Variants in SRRM4 observed in about 807,000 individuals in gnomAD.
The protein encoded by SRRM4 is serine/arginine repetitive matrix protein 4.
SRRM4 carries 33 observed loss-of-function variants against 68.9 expected under a neutral mutation model. That is an observed-to-expected ratio of 0.48 (90% CI 0.36 to 0.64). The LOEUF (loss-of-function observed/expected upper bound fraction) is 0.64. Ranked by LOEUF, SRRM4 falls within the 30% of genes least tolerant of loss-of-function variation. The probability of loss-of-function intolerance (pLI) is 0.00; values close to 1 mark genes in which losing one functional copy is unlikely to be tolerated. For missense variants in SRRM4, 817 were observed against 827.1 expected (o/e 0.99, Z 0.15); for synonymous variants, 318 against 318.8 (o/e 1.00, Z 0.03).
At position 119,154,353 on chromosome 12, in the gene SRRM4, C is replaced by A; in HGVS notation, c.1502C>A (p.Pro501Gln). 1 of 1,613,252 alleles carries A rather than the reference C, an allele frequency of 6.2e-7. No homozygotes were observed. ...SPMRKRRRDSPSHLEARRITS... is the reference protein window; with the variant it reads ...SPMRKRRRDSQSHLEARRITS... ...ATGAGAAAGCGCCGGAGAGACTCCCCGAGCCACCTGGAGGCCCGGAGGATA... is the reference window on the plus strand; with the variant it reads ...ATGAGAAAGCGCCGGAGAGACTCCCAGAGCCACCTGGAGGCCCGGAGGATA... The change falls in exon 12 of 13, where the codon CCG (proline) becomes CAG (glutamine). Residue 501 changes from proline to glutamine, a missense_variant. Physicochemically the swap from Pro to Gln is moderately conservative, Grantham distance 76. Coordinates refer to ENST00000267260, the MANE Select transcript of SRRM4 (RefSeq NM_194286.4). The surrounding 1 kb of genome is among the most constrained non-coding windows in gnomAD (Gnocchi z 4.7).
intron 1 of SRRM4, among the ~76,000 whole-genome samples, chr12:119,073,326 T>C (rs758904150): frequency 1.3e-5 from 1 of 78,020 alleles, no homozygotes; most frequent in African/African-American, 4.7e-5. Context: ...TTTTTTTTTG[T>C]TTGTTTGTTT....
At chr12:119,017,388 TC>T (rs780799305) in intron 1 of SRRM4, among the ~76,000 whole-genome samples, 15 of 152,246 alleles carry the variant, frequency 9.9e-5, no homozygotes, top group Non-Finnish European at 1.8e-4. Flanking sequence ...ACTAGGCATT[TC>T]CTTCTTTCTG....
chr12:118,997,348 C>T (rs1323781124), intron 1 of SRRM4, among the ~76,000 whole-genome samples: 1 of 152,158 alleles, frequency 6.6e-6, no homozygotes, highest in Non-Finnish European at 1.5e-5. Context: ...TTGTATTTAC[C>T]CAGGGCTGCG....
chr12:119,135,403 T>C (rs960734325), intron 8 of SRRM4, among the ~76,000 whole-genome samples: 4 of 152,198 alleles, frequency 2.6e-5, no homozygotes, highest in Admixed American at 2.0e-4. Context: ...AACAAAAACC[T>C]GTACAAATGT....
intron 1 of SRRM4, among the ~76,000 whole-genome samples, chr12:118,990,874 C>T (rs1050125433): frequency 2.2e-4 from 33 of 152,178 alleles, no homozygotes; most frequent in African/African-American, 7.5e-4. Context: ...GGCTGGAGTG[C>T]AGTGGTGCGA....
intron 8 of SRRM4, among the ~76,000 whole-genome samples, chr12:119,141,945 G>C (rs200499954): frequency 2.6e-5 from 4 of 152,226 alleles, no homozygotes; most frequent in African/African-American, 9.6e-5. Flanking sequence ...TCTAGAAGAG[G>C]TGATAGGACA....
intron 8 of SRRM4, among the ~76,000 whole-genome samples, chr12:119,132,561 G>C (rs1042278134): frequency 6.6e-6 from 1 of 152,214 alleles, no homozygotes; most frequent in African/African-American, 2.4e-5. Context: ...AGATATGTCT[G>C]TCAAGATGTT....
intron 7 of SRRM4, among the ~76,000 whole-genome samples, chr12:119,129,914 T>TGGAC (rs1327748905): frequency 2.0e-5 from 3 of 150,230 alleles, no homozygotes; most frequent in African/African-American, 7.3e-5. Context: ...GATGGATGGA[T>TGGAC]GGATGGTTAG....
At chr12:119,084,717 G>A (rs928643191) in intron 1 of SRRM4, among the ~76,000 whole-genome samples, 1 of 151,980 alleles carries the variant, frequency 6.6e-6, no homozygotes, top group East Asian at 1.9e-4. Context: ...CTCATAGTCC[G>A]GTGGGGCAAA....
chr12:119,122,051 T>G lies in SRRM4; in HGVS notation c.465-19T>G, dbSNP rs1385471879. On this transcript the variant is annotated intron_variant, in intron 5 of 12. Transcript: ENST00000267260. ...CTAGAATTTTGCATCTTTCAATTAA[T>G]TGACCATTTCTTGTTTAGCTCCTCT... is the stretch of plus-strand genomic sequence containing the variant. 1.3e-6 allele frequency: 2 copies of G among 1,571,454 alleles called. No individual in the cohort carries two copies. The highest frequency in any genetic ancestry group is 1.8e-6 in the Non-Finnish European group (2 of 1,141,528).
At chr12:119,066,198 A>G (rs1406841896) in intron 1 of SRRM4, among the ~76,000 whole-genome samples, 2 of 152,212 alleles carry the variant, frequency 1.3e-5, no homozygotes, top group African/African-American at 2.4e-5. Context: ...CTGGGTAATA[A>G]TAACAATAGC....
intron 9 of SRRM4, among the ~76,000 whole-genome samples, chr12:119,146,585 T>C (rs1350007641): frequency 1.4e-5 from 2 of 143,132 alleles, no homozygotes; most frequent in Admixed American, 1.4e-4. Flanking sequence ...AAACTCCATC[T>C]CAAAAGAAAA....
chr12:119,086,500 G>C (rs1414517072), intron 1 of SRRM4, among the ~76,000 whole-genome samples: 1 of 152,192 alleles, frequency 6.6e-6, no homozygotes, highest in African/African-American at 2.4e-5. Flanking sequence ...TTTTCTGAAT[G>C]TTATGGCCTC....
intron 8 of SRRM4, among the ~76,000 whole-genome samples, chr12:119,142,891 G>A (rs192511350): frequency 6.6e-6 from 1 of 152,294 alleles, no homozygotes; most frequent in Admixed American, 6.5e-5. Context: ...GAAAGATGTG[G>A]CATCTAAAAT....
intron 1 of SRRM4, among the ~76,000 whole-genome samples, chr12:118,982,647 G>A (rs537940903): frequency 1.4e-5 from 2 of 145,886 alleles, no homozygotes; most frequent in Non-Finnish European, 3.0e-5. Flanking sequence ...TCGTGAAGAT[G>A]ATCTTGGAAG....
chr12:119,087,207 T>G (rs1953984415), intron 1 of SRRM4, among the ~76,000 whole-genome samples: 1 of 152,198 alleles, frequency 6.6e-6, no homozygotes, highest in African/African-American at 2.4e-5. Context: ...GCCATGAGAA[T>G]GACAAGATCA....
intron 1 of SRRM4, among the ~76,000 whole-genome samples, chr12:119,018,741 C>T (rs1472909661): frequency 1.3e-5 from 2 of 152,038 alleles, no homozygotes; most frequent in African/African-American, 4.8e-5. Context: ...GAATCCAATG[C>T]CTGGTACCCT....
At chr12:118,996,205 TTCCAG>T (rs1156942283) in intron 1 of SRRM4, among the ~76,000 whole-genome samples, 1 of 152,202 alleles carries the variant, frequency 6.6e-6, no homozygotes, top group Non-Finnish European at 1.5e-5. Flanking sequence ...AAACCTGATC[TTCCAG>T]TCCTAGTTCT....
chr12:119,050,606 T>A (rs1399141798), intron 1 of SRRM4, among the ~76,000 whole-genome samples: 1 of 152,234 alleles, frequency 6.6e-6, no homozygotes, highest in African/African-American at 2.4e-5. Flanking sequence ...AAAGCACACA[T>A]TGCCTTGTAT....
Sources: allele counts gnomAD v4.1 joint callset (sites outside exome capture counted in the v4.1 genomes callset), GRCh38; gene constraint gnomAD v4.1.1; non-coding constraint Gnocchi (gnomAD v3.1); transcripts MANE v1.5; gene names NCBI Gene and HGNC (gene_info 2026-07-23, HGNC 2026-07-21).